Variants in LRRTM3 observed in about 807,000 individuals in gnomAD.
LRRTM3 encodes leucine-rich repeat transmembrane neuronal protein 3.
LRRTM3 carries 24 observed loss-of-function variants against 44.7 expected under a neutral mutation model. That is an observed-to-expected ratio of 0.54 (90% CI 0.39 to 0.76). LRRTM3 has a LOEUF of 0.76. Ranked by LOEUF, LRRTM3 falls within the 30% of genes least tolerant of loss-of-function variation. The pLI is 0.00. For synonymous variants in LRRTM3, 277 were observed against 278.7 expected (o/e 0.99, Z 0.06); for missense variants, 587 against 702.2 (o/e 0.84, Z 1.85).
intron 2 of LRRTM3, among the ~76,000 whole-genome samples, chr10:67,083,524 T>A (rs930640361): frequency 6.6e-6 from 1 of 152,158 alleles, no homozygotes; most frequent in Non-Finnish European, 1.5e-5. Flanking sequence ...TTTAACTACA[T>A]TTGAGTTATA....
chr10:66,928,404 T>C lies in LRRTM3; in HGVS notation c.1488T>C (p.Asn496=), dbSNP rs1847194003. 5.0e-6 allele frequency: 8 copies of C among 1,613,986 alleles called. No individual in the cohort carries two copies. Among genetic ancestry groups the C allele is most frequent in the Non-Finnish European group, 5.9e-6 (7 of 1,179,970 alleles). ...TNTETSEMLL[N]GTGPCTYNKS... ...CGGAGACCAGCGAGATGCTGCTGAA[T>C]GGGACGGGACCCTGCACCTATAACA... Residue 496 remains asparagine, a synonymous_variant, in exon 2 of 3, where the codon AAT becomes AAC. Coordinates refer to ENST00000361320, the MANE Select transcript of LRRTM3 (RefSeq NM_178011.5).
chr10:67,032,603 T>C (rs1853798938), intron 2 of LRRTM3, among the ~76,000 whole-genome samples: 1 of 152,180 alleles, frequency 6.6e-6, no homozygotes, highest in Admixed American at 6.5e-5. Flanking sequence ...CAGATGTTAT[T>C]GATGTAATTT....
chr10:66,953,508 G>T (rs1328804571), intron 2 of LRRTM3, among the ~76,000 whole-genome samples: 4 of 151,996 alleles, frequency 2.6e-5, no homozygotes, highest in Non-Finnish European at 5.9e-5. Flanking sequence ...ATACCATCAT[G>T]TTCTTCCAGA....
chr10:66,984,881 T>G (rs1850639880), intron 2 of LRRTM3, among the ~76,000 whole-genome samples: 1 of 152,216 alleles, frequency 6.6e-6, no homozygotes, highest in Non-Finnish European at 1.5e-5. Flanking sequence ...ACACATTTTT[T>G]GCTCTGTTTT....
intron 2 of LRRTM3, among the ~76,000 whole-genome samples, chr10:67,041,645 T>A (rs1308314064): frequency 1.3e-5 from 2 of 152,110 alleles, no homozygotes; most frequent in Non-Finnish European, 2.9e-5. Flanking sequence ...ACCTCATACC[T>A]CTAAAGCATT....
At chr10:67,085,958 C>T (rs1218293396) in intron 2 of LRRTM3, among the ~76,000 whole-genome samples, 1 of 151,954 alleles carries the variant, frequency 6.6e-6, no homozygotes, top group African/African-American at 2.4e-5. Context: ...GAAGATCTTT[C>T]CCTCCACTCT....
intron 2 of LRRTM3, among the ~76,000 whole-genome samples, chr10:67,042,064 G>T (rs1056456167): frequency 3.9e-5 from 6 of 152,142 alleles, no homozygotes; most frequent in African/African-American, 1.4e-4. Context: ...ACAAAAAAAG[G>T]CCTATGTGGT....
chr10:67,043,994 T>C (rs979442635), intron 2 of LRRTM3, among the ~76,000 whole-genome samples: 1 of 146,302 alleles, frequency 6.8e-6, no homozygotes, highest in African/African-American at 2.5e-5. Context: ...TTTGTTACAT[T>C]GATACACTGT....
At chr10:66,943,291 GTTAA>G (rs1311935143) in intron 2 of LRRTM3, among the ~76,000 whole-genome samples, 1 of 151,832 alleles carries the variant, frequency 6.6e-6, no homozygotes, top group Non-Finnish European at 1.5e-5. Context: ...GGATTCATTA[GTTAA>G]TTAGTTAGTT....
intron 2 of LRRTM3, among the ~76,000 whole-genome samples, chr10:66,971,835 C>G (rs1295743906): frequency 6.6e-6 from 1 of 151,832 alleles, no homozygotes; most frequent in Non-Finnish European, 1.5e-5. Flanking sequence ...ACAATAGGTT[C>G]TTCTCTTTAA....
intron 2 of LRRTM3, among the ~76,000 whole-genome samples, chr10:67,014,544 T>G (rs557271255): frequency 6.6e-5 from 10 of 152,282 alleles, no homozygotes; most frequent in African/African-American, 1.7e-4. Flanking sequence ...GTTCCTATGA[T>G]CTCTTTTATT....
chr10:67,058,260 C>T (rs1426727948), intron 2 of LRRTM3, among the ~76,000 whole-genome samples: 3 of 152,168 alleles, frequency 2.0e-5, no homozygotes, highest in African/African-American at 4.8e-5. Context: ...TGGGATTATG[C>T]AGATACCATA....
intron 2 of LRRTM3, among the ~76,000 whole-genome samples, chr10:67,056,875 A>C (rs150768649): frequency 6.6e-6 from 1 of 152,180 alleles, no homozygotes. Flanking sequence ...GGTTACATCA[A>C]TATCAAGTGA....
chr10:67,012,749 C>T (rs1311930575), intron 2 of LRRTM3, among the ~76,000 whole-genome samples: 1 of 152,042 alleles, frequency 6.6e-6, no homozygotes, highest in Non-Finnish European at 1.5e-5. Flanking sequence ...TGGATATACA[C>T]TTCTGTAAAA....
chr10:66,935,625 C>T (rs539202617), intron 2 of LRRTM3, among the ~76,000 whole-genome samples: 31 of 151,526 alleles, frequency 2.0e-4, no homozygotes, highest in Non-Finnish European at 1.5e-4. Flanking sequence ...GTTGTACATG[C>T]CTAAAAAAAT....
At chr10:66,976,478 T>C (rs1308169828) in intron 2 of LRRTM3, among the ~76,000 whole-genome samples, 1 of 152,152 alleles carries the variant, frequency 6.6e-6, no homozygotes, top group East Asian at 1.9e-4. Context: ...TATAGATTAC[T>C]CCAATAGCCT....
intron 2 of LRRTM3, among the ~76,000 whole-genome samples, chr10:67,093,670 C>G (rs373531671): frequency 2.0e-5 from 3 of 151,672 alleles, no homozygotes; most frequent in Non-Finnish European, 2.9e-5. Context: ...AACTGAAACT[C>G]CCCCCCAACA....
chr10:67,088,629 G>C (rs1028237736), intron 2 of LRRTM3, among the ~76,000 whole-genome samples: 1 of 151,974 alleles, frequency 6.6e-6, no homozygotes, highest in African/African-American at 2.4e-5. Context: ...TTTGATGCAA[G>C]GAGAACTGTG....
intron 2 of LRRTM3, among the ~76,000 whole-genome samples, chr10:67,039,380 A>G (rs543601200): frequency 6.6e-6 from 1 of 152,276 alleles, no homozygotes; most frequent in Non-Finnish European, 1.5e-5. Context: ...TTCCCTGTGC[A>G]GCAGAAAAAG....
Sources: gnomAD v4.1 joint callset for allele counts (sites outside exome capture counted in the v4.1 genomes callset) on GRCh38, gnomAD v4.1.1 for gene constraint, MANE v1.5 for transcripts, NCBI Gene and HGNC (gene_info 2026-07-23, HGNC 2026-07-21) for gene names.